The following PRDM15 variants were observed in gnomAD, a reference collection of about 807,000 sequenced individuals.
The protein encoded by PRDM15 is PR/SET domain 15, also known as PR domain zinc finger protein 15.
PRDM15 carries 64 observed loss-of-function variants against 128.6 expected under a neutral mutation model. The observed-to-expected ratio is 0.50, with a 90% CI of 0.41 to 0.61. The LOEUF (loss-of-function observed/expected upper bound fraction) is 0.61, where lower values mean the gene tolerates loss of function less well. Ranked by LOEUF, PRDM15 falls within the 20% of genes least tolerant of loss-of-function variation. The probability of loss-of-function intolerance (pLI) is 0.00; values close to 1 mark genes in which losing one functional copy is unlikely to be tolerated. For synonymous variants in PRDM15, 615 were observed against 621.8 expected (o/e 0.99, Z 0.16); for missense variants, 1,242 against 1,569.1 (o/e 0.79, Z 3.52).
At chr21:41,858,364 G>A (rs1446247829) in intron 3 of PRDM15, among the ~76,000 whole-genome samples, 1 of 152,060 alleles carries the variant, frequency 6.6e-6, no homozygotes, top group African/African-American at 2.4e-5. Context: ...CGACAGAGGC[G>A]GACATTGGGT....
At chr21:41,834,762 G>A (rs1181094361) in intron 11 of PRDM15, among the ~76,000 whole-genome samples, 1 of 152,206 alleles carries the variant, frequency 6.6e-6, no homozygotes, top group Non-Finnish European at 1.5e-5. Context: ...CCGGCAGGAC[G>A]GCCTTGGCTT....
intron 13 of PRDM15, among the ~76,000 whole-genome samples, chr21:41,824,458 C>T (rs2062395805): frequency 6.6e-6 from 1 of 152,224 alleles, no homozygotes; most frequent in African/African-American, 2.4e-5. Flanking sequence ...CAGGCTATTT[C>T]ACACCTGCCT....
chr21:41,815,665 G>T, intron 19 of PRDM15, 40 bp downstream of exon 19: 1 of 1,607,644 alleles, frequency 6.2e-7, no homozygotes, highest in East Asian at 2.2e-5. Context: ...TCCCTACACA[G>T]TGAGCGCCGT....
intron 21 of PRDM15, among the ~76,000 whole-genome samples, chr21:41,807,215 C>A (rs2061708377): frequency 6.6e-6 from 1 of 152,192 alleles, no homozygotes. Context: ...AAATTGCTTT[C>A]TGTGTTTTGT....
At chr21:41,845,462 G>A (rs994766654) in intron 6 of PRDM15, among the ~76,000 whole-genome samples, 4 of 151,544 alleles carry the variant, frequency 2.6e-5, no homozygotes, top group African/African-American at 4.9e-5. Context: ...AGAGGCTGCC[G>A]CAGAAGGCAG....
chr21:41,849,926 ACT>A (rs2063376373), intron 5 of PRDM15, among the ~76,000 whole-genome samples: 1 of 152,242 alleles, frequency 6.6e-6, no homozygotes, highest in Non-Finnish European at 1.5e-5. Flanking sequence ...ACACAGCAAG[ACT>A]CTGTCTCAAA....
intron 22 of PRDM15, among the ~76,000 whole-genome samples, chr21:41,803,826 G>C (rs768860999): frequency 6.6e-6 from 1 of 151,926 alleles, no homozygotes; most frequent in East Asian, 1.9e-4. Context: ...CTGAGAGCAT[G>C]GCACGTTCTC....
intron 1 of PRDM15, chr21:41,867,162 G>A (rs866243724): frequency 6.1e-6 from 4 of 657,970 alleles, no homozygotes; most frequent in African/African-American, 5.5e-5. Context: ...GACTATCTGA[G>A]TTTTGCACAG....
rs192569356 is a variant in PRDM15, at chr21:41,808,231, G to A, written c.2652+1923C>T. 2.8e-3 allele frequency among the ~76,000 whole-genome samples: 428 copies of A among 152,270 alleles called. 1 individual carries two copies. The highest frequency in any genetic ancestry group is 6.8e-3 in the Middle Eastern group (2 of 294). On this transcript the variant is annotated intron_variant, in intron 21 of 23. Transcript: ENST00000398548. Reference sequence around the variant, plus strand: ...CCTGGGGTGCCAAGGTGGTCCTGGCGCTTCGGGTTCCTACTCCCCCGACTC... The same window carrying A: ...CCTGGGGTGCCAAGGTGGTCCTGGCACTTCGGGTTCCTACTCCCCCGACTC...
Position 41,802,801 on chromosome 21 carries a change from C to G in PRDM15, c.2854G>C (p.Ala952Pro), listed in dbSNP as rs780967927. Reference sequence around the variant, plus strand: ...TTCTCTGAGTATTCGCTGAAGGTGGCGTCCTCGGGCACCGGAGCACCCGCC... The same window carrying G: ...TTCTCTGAGTATTCGCTGAAGGTGGGGTCCTCGGGCACCGGAGCACCCGCC... ...EEAGAPVPED[A>P]TFSEYSEKET... Residue 952 changes from alanine (A) to proline (P), a missense_variant, in exon 23 of 24, where the codon GCC becomes CCC. Physicochemically the swap from Ala to Pro is conservative, Grantham distance 27 (BLOSUM62 -1). Around this residue, in one of 3 missense-constraint regions of PRDM15, gnomAD observed 602 missense variants for 788.3 expected, o/e 0.76. Transcript: ENST00000398548. 7 of 1,614,190 alleles carry G rather than the reference C, an allele frequency of 4.3e-6. No individual in the cohort carries two copies. The South Asian group carries it at 7.7e-5, about 18-fold the overall frequency.
intron 1 of PRDM15, chr21:41,871,819 C>T (rs1374054803): frequency 2.5e-5 from 14 of 561,602 alleles, no homozygotes; most frequent in Admixed American, 6.6e-5. Flanking sequence ...AGGCTCAGGA[C>T]GTGCAGACAC....
chr21:41,868,485 T>G (rs1313929168), intron 1 of PRDM15, among the ~76,000 whole-genome samples: 1 of 152,096 alleles, frequency 6.6e-6, no homozygotes, highest in Admixed American at 6.5e-5. Flanking sequence ...CTCGGCGGCC[T>G]CACCAGCATC....
At chr21:41,823,474 A>AG (rs140669733) in intron 13 of PRDM15, 25 bp from the exon 14 acceptor site, 54,053 of 1,545,190 alleles carry the variant, frequency 0.035, 2,141 homozygotes, top group East Asian at 0.22. Context: ...CCGCATGGTG[A>AG]GGGGCTGCGG....
chr21:41,838,567 C>A (rs1255148437), intron 7 of PRDM15, among the ~76,000 whole-genome samples: 1 of 152,168 alleles, frequency 6.6e-6, no homozygotes, highest in Non-Finnish European at 1.5e-5. Context: ...GAAGATTACA[C>A]AAAAAAATTC....
intron 6 of PRDM15, among the ~76,000 whole-genome samples, chr21:41,841,293 G>A (rs1033151622): frequency 6.6e-6 from 1 of 152,198 alleles, no homozygotes; most frequent in African/African-American, 2.4e-5. Context: ...TACCTATGAA[G>A]GAACAACTGC....
In PRDM15 at chr21:41,839,686, T is replaced by TC; in HGVS notation, c.807dup (p.Arg270GlufsTer9). 6.2e-7 allele frequency: 1 copy of TC among 1,614,234 alleles called. No homozygotes were observed. The highest frequency in any genetic ancestry group is 8.5e-7 in the Non-Finnish European group (1 of 1,180,044). ...TCAGCTTTGGACACTTTGGGTTTTC[T>TC]CCCCCTTCGAGGCTTTTTCTTCTGT... On this transcript the variant is annotated frameshift_variant, in exon 7 of 24. Coordinates refer to ENST00000398548, the MANE Select transcript of PRDM15 (RefSeq NM_001040424.3). LOFTEE classifies it high-confidence loss of function.
At chr21:41,872,953 T>A (rs1285354114) in intron 1 of PRDM15, among the ~76,000 whole-genome samples, 1 of 152,170 alleles carries the variant, frequency 6.6e-6, no homozygotes, top group Non-Finnish European at 1.5e-5. Context: ...CGTGCACGGG[T>A]TCTGTTGCTG....
At chr21:41,872,849 A>G (rs866537198) in intron 1 of PRDM15, among the ~76,000 whole-genome samples, 100 of 152,276 alleles carry the variant, frequency 6.6e-4, no homozygotes, top group Middle Eastern at 3.4e-3. Context: ...ATGAGAAAGA[A>G]AGGGGTTTAT....
chr21:41,850,481 C>G (rs1344322203), intron 5 of PRDM15, among the ~76,000 whole-genome samples: 1 of 152,154 alleles, frequency 6.6e-6, no homozygotes, highest in Middle Eastern at 3.2e-3. Flanking sequence ...CGCCTGGAAT[C>G]CCAGCACTTC....
Sources: allele counts gnomAD v4.1 joint callset (sites outside exome capture counted in the v4.1 genomes callset), GRCh38; gene constraint gnomAD v4.1.1; regional missense constraint gnomAD v4.1.1; transcripts MANE v1.5; gene names NCBI Gene and HGNC (gene_info 2026-07-23, HGNC 2026-07-21).